GPR83: variants seen among roughly 807,000 people sequenced by gnomAD.
The protein encoded by GPR83 is G protein-coupled receptor 83, also known as G-protein coupled receptor 72.
GPR83 carries 23 observed loss-of-function variants against 28.0 expected under a neutral mutation model. The observed-to-expected ratio is 0.82, with a 90% CI of 0.59 to 1.16. The LOEUF (loss-of-function observed/expected upper bound fraction) is 1.16, where lower values mean the gene tolerates loss of function less well. GPR83 is among the 50% of genes most tolerant of loss of function. GPR83 has a pLI of 0.00. For missense variants in GPR83, 610 were observed against 536.6 expected, an observed-to-expected ratio of 1.14 and a Z score of -1.35; for synonymous variants, 234 against 215.4, an observed-to-expected ratio of 1.09 and a Z score of -0.76.
intron 3 of GPR83, among the ~76,000 whole-genome samples, chr11:94,392,951 C>T (rs1944831507): frequency 6.6e-6 from 1 of 151,842 alleles, no homozygotes; most frequent in South Asian, 2.1e-4. Flanking sequence ...GCCAATTCTT[C>T]CCAAACTGAC....
At position 94,378,030 on chromosome 11, in the gene GPR83, C is replaced by T. The variant is rs1944639569; in HGVS notation, c.*2119G>A. 6.6e-6 allele frequency: 1 copy of T among 152,146 alleles called. No homozygotes were observed. Among genetic ancestry groups the T allele is most frequent in the Non-Finnish European group, 1.5e-5 (1 of 68,030 alleles). 9.4% of individuals were successfully genotyped at this position (152,146 alleles called of 1,614,324 possible). On this transcript the variant is annotated 3_prime_UTR_variant, in exon 4 of 4. Coordinates refer to ENST00000243673, the MANE Select transcript of GPR83 (RefSeq NM_016540.4). Reference sequence around the variant, plus strand: ...GGCAGCTTTCAGATGAAACCATTAGCTACTTCTTGACACACCACAGAGACA... The same window carrying T: ...GGCAGCTTTCAGATGAAACCATTAGTTACTTCTTGACACACCACAGAGACA...
At chr11:94,392,607 C>T (rs991741483) in intron 3 of GPR83, among the ~76,000 whole-genome samples, 3 of 151,976 alleles carry the variant, frequency 2.0e-5, no homozygotes, top group African/African-American at 7.3e-5. Flanking sequence ...GGCGGATAAC[C>T]TGAGATCAGA....
At chr11:94,385,368 G>A (rs1283304528) in intron 3 of GPR83, among the ~76,000 whole-genome samples, 1 of 152,162 alleles carries the variant, frequency 6.6e-6, no homozygotes, top group Non-Finnish European at 1.5e-5. Context: ...GATGAGCTGA[G>A]AGAAGAAGGC....
rs1195878044 is a variant in GPR83 at position 94,380,501 on chromosome 11, G to A, written c.920C>T (p.Pro307Leu). ...VVVLFALCWF[P>L]LNCYVLLLSS... ...CAGGAGGAGGACGTAGCAGTTGAGG[G>A]GGAACCAGCAGAGGGCAAAGAGGAC... The change falls in exon 4 of 4, where the codon CCC becomes CTC. Residue 307 changes from proline (P) to leucine (L), a missense_variant. Transcript: ENST00000243673. 6.2e-7 allele frequency: 1 copy of A among 1,614,182 alleles called. No individual in the cohort carries two copies. Among genetic ancestry groups the A allele is most frequent in the Non-Finnish European group, 8.5e-7 (1 of 1,180,036 alleles).
chr11:94,393,454 C>A (rs78029801), intron 3 of GPR83, 31 bp downstream of exon 3: 29 of 1,610,560 alleles, frequency 1.8e-5, no homozygotes, highest in Admixed American at 3.3e-5. Flanking sequence ...AGACACAAGT[C>A]CCCAGGCAGA....
chr11:94,380,396 G>T lies in GPR83; in HGVS notation c.1025C>A (p.Pro342His), dbSNP rs1160257723. Residue 342 changes from proline to histidine, a missense_variant, in exon 4 of 4, where the codon CCC becomes CAC. Pro to His is a moderately conservative substitution (Grantham distance 77). Transcript: ENST00000243673. ...WFAMSSTCYN[P>H]FIYCWLNENF... is the part of the protein sequence containing the mutation. ...CTCGTTCAGCCAGCAGTATATGAAG[G>T]GGTTATAGCAGGTGCTGCTCATGGC... 2 of 1,614,160 alleles carry T rather than the reference G, an allele frequency of 1.2e-6. No individual in the cohort carries two copies. The highest frequency in any genetic ancestry group is 1.7e-5 in the Admixed American group (1 of 60,022).
intron 2 of GPR83, 59 bp downstream of exon 2, chr11:94,396,340 C>A (rs2134695940): frequency 6.3e-7 from 1 of 1,575,218 alleles, no homozygotes; most frequent in African/African-American, 1.3e-5. Flanking sequence ...GCCCCTGCAA[C>A]TTCCAGGAAA....
In GPR83 at chr11:94,396,496, A is replaced by G. The variant is rs1215918279; in HGVS notation, c.416T>C (p.Phe139Ser). ...GCTGACATGGCACATGCCCTTCCCA[A>G]ATATCCATGTGCTGTTCACAAAGCG... is the stretch of plus-strand genomic sequence containing the variant. ...LVRFVNSTWI[F>S]GKGMCHVSRF... Residue 139 changes from phenylalanine (F) to serine (S), a missense_variant, in exon 2 of 4, where the codon TTT becomes TCT. By Grantham distance (155) the Phe-to-Ser change is radical. Transcript: ENST00000243673. 3.1e-6 allele frequency: 5 copies of G among 1,614,084 alleles called. No homozygotes were observed. In the South Asian group the frequency reaches 4.4e-5, roughly 14 times the overall value.
intron 3 of GPR83, among the ~76,000 whole-genome samples, chr11:94,388,743 A>G (rs775258874): frequency 1.3e-5 from 2 of 152,210 alleles, no homozygotes; most frequent in Non-Finnish European, 2.9e-5. Flanking sequence ...AAATGGCCAT[A>G]CTGCCCAAGG....
chr11:94,394,091 A>C (rs1402322586), intron 2 of GPR83, among the ~76,000 whole-genome samples: 1 of 152,084 alleles, frequency 6.6e-6, no homozygotes, highest in East Asian at 1.9e-4. Flanking sequence ...AGGACTGGGG[A>C]GGGGTCCAGG....
chr11:94,381,519 C>T (rs2134681558), intron 3 of GPR83, among the ~76,000 whole-genome samples: 1 of 151,562 alleles, frequency 6.6e-6, no homozygotes, highest in African/African-American at 2.4e-5. Context: ...CCTTCCGAGC[C>T]TGTTTCTCTT....
chr11:94,380,963 G>A (rs1038370530), intron 3 of GPR83, among the ~76,000 whole-genome samples, 190 bp from the exon 4 acceptor site: 2 of 152,138 alleles, frequency 1.3e-5, no homozygotes, highest in African/African-American at 4.8e-5. Flanking sequence ...GCTGGGAATT[G>A]CATAGAGGTA....
chr11:94,390,002 G>A (rs1031786712), intron 3 of GPR83, among the ~76,000 whole-genome samples: 12 of 152,182 alleles, frequency 7.9e-5, no homozygotes, highest in African/African-American at 2.9e-4. Context: ...AAAAAATAAT[G>A]AGTTCATGTC....
At position 94,401,355 on chromosome 11, in the gene GPR83, C is replaced by A; in HGVS notation, c.-108G>T. Reference sequence around the variant, plus strand: ...GGGCGCACAGCATACAAGGCCGTCCCGAGGAGCCAGGGAGCCCGGACGCGC... The same window carrying A: ...GGGCGCACAGCATACAAGGCCGTCCAGAGGAGCCAGGGAGCCCGGACGCGC... On this transcript the variant is annotated 5_prime_UTR_variant, in exon 1 of 4. Coordinates refer to ENST00000243673, the MANE Select transcript of GPR83 (RefSeq NM_016540.4). 9.0e-7 allele frequency: 1 copy of A among 1,110,482 alleles called. No homozygotes were observed. Among genetic ancestry groups the A allele is most frequent in the South Asian group, 1.8e-5 (1 of 54,542 alleles). 68.8% of individuals were successfully genotyped at this position (1,110,482 alleles called of 1,614,324 possible).
chr11:94,381,791 TA>T, intron 3 of GPR83, among the ~76,000 whole-genome samples: 1 of 152,152 alleles, frequency 6.6e-6, no homozygotes, highest in South Asian at 2.1e-4. Context: ...GAAAGACCTG[TA>T]ATAAAAGACT....
At chr11:94,400,738 G>A (rs1480078209) in intron 1 of GPR83, 123 bp downstream of exon 1, 1 of 762,424 alleles carries the variant, frequency 1.3e-6, no homozygotes, top group East Asian at 2.5e-5. Flanking sequence ...AGGAGGAAGA[G>A]AGATGTGGAG....
intron 1 of GPR83, among the ~76,000 whole-genome samples, chr11:94,397,190 G>C (rs141621279): frequency 6.6e-6 from 1 of 152,286 alleles, no homozygotes; most frequent in African/African-American, 2.4e-5. Flanking sequence ...GGTGTGGGGA[G>C]AGAAGACAAG....
At chr11:94,386,623 C>T (rs1333487831) in intron 3 of GPR83, among the ~76,000 whole-genome samples, 1 of 152,170 alleles carries the variant, frequency 6.6e-6, no homozygotes, top group Admixed American at 6.5e-5. Flanking sequence ...AAAAGAAGAG[C>T]TAACTATCCT....
intron 2 of GPR83, 60 bp downstream of exon 2, chr11:94,396,339 A>G (rs1944866045): frequency 6.4e-7 from 1 of 1,569,196 alleles, no homozygotes; most frequent in South Asian, 1.1e-5. Flanking sequence ...AGCCCCTGCA[A>G]CTTCCAGGAA....
Sources: allele counts gnomAD v4.1 joint callset (sites outside exome capture counted in the v4.1 genomes callset), GRCh38; gene constraint gnomAD v4.1.1; transcripts MANE v1.5; gene names NCBI Gene and HGNC (gene_info 2026-07-23, HGNC 2026-07-21).